NRXN1: variants seen among roughly 807,000 people sequenced by gnomAD.
NRXN1 encodes neurexin 1.
NRXN1 carries 39 observed loss-of-function variants against 150.9 expected under a neutral mutation model. The observed-to-expected ratio is 0.26, with a 90% confidence interval of 0.20 to 0.34. The LOEUF (loss-of-function observed/expected upper bound fraction) is 0.34. NRXN1 is among the 10% of genes least tolerant of loss of function. The pLI is 1.00. For missense variants in NRXN1, 1,815 were observed against 1,949.9 expected, an observed-to-expected ratio of 0.93 and a Z score of 1.30; for synonymous variants, 924 against 757.0, an observed-to-expected ratio of 1.22 and a Z score of -3.62.
chr2:50,604,075 A>AT (rs143472549), intron 8 of NRXN1, among the ~76,000 whole-genome samples: 5,551 of 152,244 alleles, frequency 0.036, 329 homozygotes, highest in African/African-American at 0.13. Flanking sequence ...CCTTTGAAGA[A>AT]TCTCTACACT....
At chr2:51,007,656 C>A (rs1417896956) in intron 2 of NRXN1, among the ~76,000 whole-genome samples, 1 of 151,772 alleles carries the variant, frequency 6.6e-6, no homozygotes, top group African/African-American at 2.4e-5. Flanking sequence ...AGGTTAAATA[C>A]ACATTTTTAT....
chr2:50,123,884 T>A (rs1286664586), intron 18 of NRXN1, among the ~76,000 whole-genome samples: 1 of 152,094 alleles, frequency 6.6e-6, no homozygotes, highest in Admixed American at 6.6e-5. Context: ...TCAGATTAAT[T>A]GTTGACAACC....
At position 50,612,704 on chromosome 2, in the gene NRXN1, A is replaced by G. The variant is rs986273792; in HGVS notation, c.1320+7318T>C. 3.9e-5 allele frequency among the ~76,000 whole-genome samples: 6 copies of G among 152,318 alleles called. No individual in the cohort carries two copies. In the East Asian group the frequency reaches 1.2e-3, roughly 29 times the overall value. ...ATTGAGGCACTACAGTGTTTATGCCATGGGGGTTTGTTTGAATGATCTGAT... is the reference window on the plus strand; with the variant it reads ...ATTGAGGCACTACAGTGTTTATGCCGTGGGGGTTTGTTTGAATGATCTGAT... On this transcript the variant is annotated intron_variant, in intron 8 of 22. Transcript: ENST00000401669.
chr2:49,993,640 TG>T (rs886162041), intron 21 of NRXN1, among the ~76,000 whole-genome samples: 8 of 152,150 alleles, frequency 5.3e-5, no homozygotes, highest in African/African-American at 1.9e-4. Context: ...TATCCATGTA[TG>T]GGGGCAGGGA....
chr2:50,204,728 T>A (rs978673390), intron 18 of NRXN1, among the ~76,000 whole-genome samples: 3 of 152,084 alleles, frequency 2.0e-5, no homozygotes, highest in Non-Finnish European at 4.4e-5. Flanking sequence ...GGCATTTGGA[T>A]TATTTTTGGC....
chr2:50,427,513 G>T (rs1486038074), intron 17 of NRXN1, among the ~76,000 whole-genome samples: 3 of 152,280 alleles, frequency 2.0e-5, no homozygotes, highest in Admixed American at 2.0e-4. Flanking sequence ...TTCTCTAGCA[G>T]ATTTCCCTAA....
chr2:50,471,527 C>T (rs935671103), intron 16 of NRXN1, among the ~76,000 whole-genome samples: 1 of 151,790 alleles, frequency 6.6e-6, no homozygotes, highest in African/African-American at 2.4e-5. Context: ...TAGGTAGATT[C>T]CATATATCTG....
In NRXN1 at chr2:50,346,870, GCGCCGCCGCCGC is replaced by G. The variant is rs750165040; in HGVS notation, c.3365-109912_3365-109901del. The G allele has an allele frequency of 1.4e-4, 195 of 1,366,790 alleles. 12 individuals are homozygous for G. In the East Asian group the frequency reaches 1.6e-3, roughly 11 times the overall value. 84.7% of individuals were successfully genotyped at this position (1,366,790 alleles called of 1,614,324 possible). A position where few individuals can be genotyped will look rare whatever the true frequency, so the allele number is the denominator to read the frequency against. ...CCAAAGCAGGGCCAGGCGCCCCCCT[GCGCCGCCGCCGC>G]CGCCGCCGCCGCCGCCGCCCCCGGG... On this transcript the variant is annotated intron_variant, in intron 17 of 22. Transcript: ENST00000401669. The surrounding 1 kb of genome is among the most constrained non-coding windows in gnomAD (Gnocchi z 5.0).
intron 5 of NRXN1, among the ~76,000 whole-genome samples, chr2:50,816,301 T>C (rs1668925250): frequency 6.6e-6 from 1 of 152,050 alleles, no homozygotes; most frequent in South Asian, 2.1e-4. Flanking sequence ...TTGGATATCA[T>C]AGCACAGTCT....
chr2:50,635,635 G>A (rs983888128), intron 5 of NRXN1, among the ~76,000 whole-genome samples: 1 of 152,126 alleles, frequency 6.6e-6, no homozygotes, highest in Non-Finnish European at 1.5e-5. Context: ...GGCTCTACAT[G>A]TGATTCTATA....
At chr2:50,774,675 G>C (rs557117708) in intron 5 of NRXN1, among the ~76,000 whole-genome samples, 7 of 152,120 alleles carry the variant, frequency 4.6e-5, no homozygotes, top group African/African-American at 1.7e-4. Flanking sequence ...GCTTTTATAG[G>C]AATCACTACT....
chr2:50,779,387 A>G (rs960736931), intron 5 of NRXN1, among the ~76,000 whole-genome samples: 2 of 152,198 alleles, frequency 1.3e-5, no homozygotes, highest in African/African-American at 4.8e-5. Context: ...TCCATGGTAT[A>G]TATGTGCCAC....
At chr2:50,202,765 CAAAATA>C (rs2062273297) in intron 18 of NRXN1, among the ~76,000 whole-genome samples, 1 of 151,996 alleles carries the variant, frequency 6.6e-6, no homozygotes, top group African/African-American at 2.4e-5. Flanking sequence ...TATAGTAAAA[CAAAATA>C]CAACATCATT....
chr2:51,007,025 A>AC (rs1575199603), intron 2 of NRXN1, among the ~76,000 whole-genome samples: 1 of 151,872 alleles, frequency 6.6e-6, no homozygotes, highest in Non-Finnish European at 1.5e-5. Flanking sequence ...GACAAACATA[A>AC]CCCCAGTGCC....
intron 5 of NRXN1, among the ~76,000 whole-genome samples, chr2:50,885,431 A>G (rs1478079865): frequency 6.6e-6 from 1 of 151,152 alleles, no homozygotes; most frequent in Non-Finnish European, 1.5e-5. Context: ...TATTTTAAAC[A>G]TAAATAAAAA....
chr2:50,954,557 G>A (rs1691956583), intron 2 of NRXN1, among the ~76,000 whole-genome samples: 2 of 152,198 alleles, frequency 1.3e-5, no homozygotes, highest in East Asian at 1.9e-4. Context: ...TTCCAGCAGA[G>A]CTGGGAAAGA....
chr2:50,465,932 T>C (rs1287540733), intron 16 of NRXN1, among the ~76,000 whole-genome samples: 1 of 151,722 alleles, frequency 6.6e-6, no homozygotes, highest in Non-Finnish European at 1.5e-5. Flanking sequence ...AATAGAGACA[T>C]AATGAGAAAT....
chr2:50,749,667 ATAAC>A (rs542578229), intron 5 of NRXN1, among the ~76,000 whole-genome samples: 3 of 152,252 alleles, frequency 2.0e-5, no homozygotes, highest in South Asian at 2.1e-4. Flanking sequence ...TTTCAGATAA[ATAAC>A]TGTTAGTGGA....
At chr2:50,269,878 A>G (rs539552468) in intron 17 of NRXN1, among the ~76,000 whole-genome samples, 112 of 152,304 alleles carry the variant, frequency 7.4e-4, no homozygotes, top group Non-Finnish European at 1.1e-3. Context: ...ATTTTACTCT[A>G]GTTTTTCTTT....
Sources: allele counts gnomAD v4.1 joint callset (sites outside exome capture counted in the v4.1 genomes callset), GRCh38; gene constraint gnomAD v4.1.1; non-coding constraint Gnocchi (gnomAD v3.1); transcripts MANE v1.5; gene names NCBI Gene and HGNC (gene_info 2026-07-23, HGNC 2026-07-21).